The following CCDC102B variants were observed in gnomAD, a reference collection of about 807,000 sequenced individuals.
CCDC102B encodes coiled-coil domain-containing protein 102B.
In CCDC102B, 75 loss-of-function variants were observed where a neutral mutation model predicts 57.4. The ratio of observed to expected loss-of-function variants is 1.31; its 90% CI spans 1.08 to 1.58. CCDC102B has a LOEUF of 1.58. Ranked by LOEUF, CCDC102B falls within the 40% of genes most tolerant of loss-of-function variation. The pLI is 0.00. For missense variants in CCDC102B, 636 were observed against 582.6 expected (o/e 1.09, Z -0.94); for synonymous variants, 206 against 201.9 (o/e 1.02, Z -0.17).
chr18:68,770,427 A>G (rs980531453), intron 2 of CCDC102B, among the ~76,000 whole-genome samples: 4 of 152,224 alleles, frequency 2.6e-5, no homozygotes, highest in Admixed American at 1.3e-4. Flanking sequence ...CTTTTAAGAC[A>G]TGGGCTTAGA....
At position 69,053,970 on chromosome 18, in the gene CCDC102B, C is replaced by A. The variant is rs1235259053; in HGVS notation, c.1435-60C>A. The A allele has an allele frequency of 3.9e-6, 5 of 1,285,378 alleles. No homozygotes were observed. In the African/African-American group the frequency reaches 4.6e-5, roughly 12 times the overall value. The allele number at this position is 1,285,378 out of a possible 1,614,324, so 79.6% of individuals were successfully genotyped here. A position where few individuals can be genotyped will look rare whatever the true frequency, so the allele number is the denominator to read the frequency against. On this transcript the variant is annotated intron_variant, in intron 7 of 7. Coordinates refer to ENST00000360242, the MANE Select transcript of CCDC102B (RefSeq NM_024781.3). ...ATGATAAGATGTTATTTACTATAGC[C>A]ACCATGATGTACTATAGAACACTTG...
intron 6 of CCDC102B, among the ~76,000 whole-genome samples, chr18:68,915,752 C>A (rs1240528134): frequency 6.6e-6 from 1 of 152,160 alleles, no homozygotes; most frequent in Admixed American, 6.5e-5. Context: ...TAAGATGTGT[C>A]TTATCCACTT....
At chr18:68,862,421 A>T (rs973362821) in intron 4 of CCDC102B, among the ~76,000 whole-genome samples, 1 of 152,132 alleles carries the variant, frequency 6.6e-6, no homozygotes, top group Non-Finnish European at 1.5e-5. Context: ...GTACTGATTT[A>T]AAAAAACCAT....
chr18:69,024,093 A>G (rs1001517696), intron 7 of CCDC102B, among the ~76,000 whole-genome samples: 5 of 152,104 alleles, frequency 3.3e-5, no homozygotes, highest in African/African-American at 7.2e-5. Flanking sequence ...AAAAAAAATA[A>G]TAATGGGAAA....
intron 6 of CCDC102B, among the ~76,000 whole-genome samples, chr18:68,995,829 A>C (rs1328587669): frequency 6.6e-6 from 1 of 152,102 alleles, no homozygotes; most frequent in Non-Finnish European, 1.5e-5. Flanking sequence ...AGAATGGTAG[A>C]TCCACTGACA....
At chr18:68,936,338 G>A (rs1011755127) in intron 6 of CCDC102B, among the ~76,000 whole-genome samples, 1 of 151,918 alleles carries the variant, frequency 6.6e-6, no homozygotes, top group African/African-American at 2.4e-5. Flanking sequence ...GAAGCAAATT[G>A]TGCAAAAATA....
chr18:69,035,809 A>T (rs1358651720), intron 7 of CCDC102B, among the ~76,000 whole-genome samples: 2 of 152,134 alleles, frequency 1.3e-5, no homozygotes, highest in African/African-American at 4.8e-5. Flanking sequence ...ATTGCCATGG[A>T]TGCTTATTTC....
At chr18:68,831,657 A>C (rs2037146166) in intron 1 of CCDC102B, among the ~76,000 whole-genome samples, 1 of 152,158 alleles carries the variant, frequency 6.6e-6, no homozygotes, top group African/African-American at 2.4e-5. Context: ...CAGAGATGGA[A>C]GCTGTCTGTA....
chr18:68,910,745 A>G (rs2040809841), intron 6 of CCDC102B, among the ~76,000 whole-genome samples: 1 of 152,192 alleles, frequency 6.6e-6, no homozygotes, highest in Non-Finnish European at 1.5e-5. Flanking sequence ...CTCTTTATTC[A>G]CATTATATTG....
chr18:68,722,703 T>G (rs1030959572), intron 2 of CCDC102B, among the ~76,000 whole-genome samples: 2 of 152,174 alleles, frequency 1.3e-5, no homozygotes, highest in Non-Finnish European at 2.9e-5. Flanking sequence ...GCCAGATCTT[T>G]GATGAAATTT....
chr18:68,779,968 G>C (rs2034951690), intron 2 of CCDC102B, among the ~76,000 whole-genome samples: 1 of 151,986 alleles, frequency 6.6e-6, no homozygotes, highest in African/African-American at 2.4e-5. Flanking sequence ...TATCAACCAA[G>C]ATAAAATAAA....
At chr18:69,057,882 C>T (rs549795538), downstream of CCDC102B, among the ~76,000 whole-genome samples, 3 of 152,016 alleles carry the variant, frequency 2.0e-5, no homozygotes, top group East Asian at 1.9e-4. Flanking sequence ...TACATGTACA[C>T]GTTTATTACA....
chr18:68,742,950 A>G (rs1381539379), intron 2 of CCDC102B, among the ~76,000 whole-genome samples: 1 of 152,132 alleles, frequency 6.6e-6, no homozygotes, highest in Non-Finnish European at 1.5e-5. Flanking sequence ...GGCCAAGATA[A>G]TGGTAATGGA....
chr18:68,739,192 C>T (rs898881432), intron 2 of CCDC102B, among the ~76,000 whole-genome samples: 11 of 152,032 alleles, frequency 7.2e-5, no homozygotes, highest in African/African-American at 7.3e-5. Context: ...GACGGGTTTT[C>T]GCTGTGTTGG....
intron 7 of CCDC102B, among the ~76,000 whole-genome samples, chr18:69,013,533 A>G (rs753746364): frequency 8.5e-5 from 13 of 152,222 alleles, no homozygotes; most frequent in Non-Finnish European, 2.9e-5. Flanking sequence ...TCAAATAAAA[A>G]AAGAAATACC....
chr18:69,030,222 A>G (rs1372334042), intron 7 of CCDC102B, among the ~76,000 whole-genome samples: 1 of 152,146 alleles, frequency 6.6e-6, no homozygotes. Flanking sequence ...CTGCTATCCT[A>G]ATTATTTTTA....
At chr18:68,829,065 C>T (rs769961228) in intron 1 of CCDC102B, among the ~76,000 whole-genome samples, 3 of 151,820 alleles carry the variant, frequency 2.0e-5, no homozygotes, top group South Asian at 2.1e-4. Flanking sequence ...CCTACATGTT[C>T]GCTACAACAT....
chr18:68,932,038 G>C (rs2041691327), intron 6 of CCDC102B, among the ~76,000 whole-genome samples: 1 of 151,558 alleles, frequency 6.6e-6, no homozygotes, highest in Non-Finnish European at 1.5e-5. Context: ...AATGTTTACT[G>C]AACTGTTTGT....
intron 1 of CCDC102B, chr18:68,716,486 A>C: frequency 6.6e-6 from 1 of 152,180 alleles, no homozygotes; most frequent in East Asian, 1.9e-4. Flanking sequence ...AAATGTGCCT[A>C]GTGTGATGAA....
Sources: gnomAD v4.1 joint callset for allele counts (sites outside exome capture counted in the v4.1 genomes callset) on GRCh38, gnomAD v4.1.1 for gene constraint, MANE v1.5 for transcripts, NCBI Gene and HGNC (gene_info 2026-07-23, HGNC 2026-07-21) for gene names.